The following GSE1 variants were observed in gnomAD, a reference collection of about 807,000 sequenced individuals.
GSE1 encodes the protein genetic suppressor element 1.
In GSE1, 32 loss-of-function variants were observed where a neutral mutation model predicts 112.6. That is an observed-to-expected ratio of 0.28 (90% CI 0.21 to 0.38). The LOEUF (loss-of-function observed/expected upper bound fraction) is 0.38, where lower values mean the gene tolerates loss of function less well. GSE1 is among the 10% of genes least tolerant of loss of function. The probability of loss-of-function intolerance (pLI) is 1.00; values close to 1 mark genes in which losing one functional copy is unlikely to be tolerated. For synonymous variants in GSE1, 1,115 were observed against 735.6 expected, an observed-to-expected ratio of 1.52 and a Z score of -8.35; for missense variants, 2,348 against 1,699.2, an observed-to-expected ratio of 1.38 and a Z score of -6.71.
chr16:85,385,559 C>G (rs983034239), intron 2 of GSE1, among the ~76,000 whole-genome samples: 2 of 152,172 alleles, frequency 1.3e-5, no homozygotes, highest in African/African-American at 2.4e-5. Context: ...AGGTGGAACC[C>G]TGGTGGAGGA....
In GSE1 at chr16:85,661,963, G is replaced by A. The variant is rs548553075; in HGVS notation, c.2260+198G>A. Among the ~76,000 whole-genome samples, 31 of 152,336 alleles carry A rather than the reference G, an allele frequency of 2.0e-4. 1 individual carries two copies. In the South Asian group the frequency reaches 2.9e-3, roughly 14 times the overall value. ...AGGGGAGGCAGACCCTAGTCCCCGTGCCTGTCCTGCCTCGATGCAAATTGT... is the reference window on the plus strand; with the variant it reads ...AGGGGAGGCAGACCCTAGTCCCCGTACCTGTCCTGCCTCGATGCAAATTGT... On this transcript the variant is annotated intron_variant, in intron 9 of 15. Coordinates refer to ENST00000253458, the MANE Select transcript of GSE1 (RefSeq NM_014615.5).
At chr16:85,258,453 C>T (rs945512734) in intron 1 of GSE1, among the ~76,000 whole-genome samples, 5 of 152,250 alleles carry the variant, frequency 3.3e-5, no homozygotes, top group East Asian at 1.9e-4. Context: ...GTCCCCACCA[C>T]GAGCTGCAGA....
chr16:85,408,047 CTGTTA>C (rs1321022308), intron 2 of GSE1, among the ~76,000 whole-genome samples: 3 of 46,750 alleles, frequency 6.4e-5, no homozygotes, highest in African/African-American at 4.7e-4. Context: ...CTGGATAATC[CTGTTA>C]CTCTCAGGGC....
intron 1 of GSE1, among the ~76,000 whole-genome samples, chr16:85,202,944 CGCCTCCTCCCCTT>C (rs1301159182): frequency 1.3e-5 from 2 of 151,200 alleles, no homozygotes; most frequent in Admixed American, 1.3e-4. Context: ...CCTCTCCCTT[CGCCTCCTCCCCTT>C]CCCTCCTCCC....
intron 2 of GSE1, among the ~76,000 whole-genome samples, chr16:85,499,264 C>A (rs1224801728): frequency 6.7e-6 from 1 of 148,784 alleles, no homozygotes; most frequent in East Asian, 2.0e-4. Context: ...AGGGCGCCTG[C>A]CAGCTGTCAG....
At chr16:85,652,455 A>G (rs900280995) in intron 3 of GSE1, among the ~76,000 whole-genome samples, 3 of 152,196 alleles carry the variant, frequency 2.0e-5, no homozygotes, top group African/African-American at 7.2e-5. Context: ...GCAGGTCAGA[A>G]GTCGTGAACC....
intron 2 of GSE1, among the ~76,000 whole-genome samples, chr16:85,369,116 G>C (rs1334596880): frequency 6.6e-6 from 1 of 152,172 alleles, no homozygotes; most frequent in Non-Finnish European, 1.5e-5. Context: ...TCGAGGTGTG[G>C]GCAGGACTGG....
intron 2 of GSE1, among the ~76,000 whole-genome samples, chr16:85,372,930 C>T (rs758232717): frequency 7.9e-5 from 12 of 152,362 alleles, no homozygotes; most frequent in East Asian, 1.9e-4. Context: ...TCAGCTGAGT[C>T]ACAGAGCTGG....
rs774771821 is a variant in GSE1, at chr16:85,613,417, G to T, written c.7+19G>T. ...ATGAAAGGTGAGCGCGCCGCACCCG[G>T]CCGGGGACGGGGTCCTCCCCCCTCC... On this transcript the variant is annotated intron_variant, in intron 1 of 15. Transcript: ENST00000253458. The T allele has an allele frequency of 6.5e-7, 1 of 1,549,814 alleles. No individual in the cohort carries two copies. Among genetic ancestry groups the T allele is most frequent in the Non-Finnish European group, 8.7e-7 (1 of 1,147,132 alleles).
At position 85,395,934 on chromosome 16, in the gene GSE1, C is replaced by T. The variant is rs192592018; in HGVS notation, c.2464+38291C>T. ...GGAGTCCCGGCGGCCTGAGTCCCCC[C>T]AGCCTGCAGAGCCCACAGCCCTGTC... On this transcript the variant is annotated intron_variant, in intron 2 of 2. Transcript: ENST00000637419. Among the ~76,000 whole-genome samples the T allele has an allele frequency of 2.3e-3, 346 of 152,332 alleles. 6 individuals carry two copies. The East Asian group carries it at 0.039, about 17-fold the overall frequency.
At chr16:85,472,038 C>T (rs372843992) in intron 2 of GSE1, among the ~76,000 whole-genome samples, 1 of 152,188 alleles carries the variant, frequency 6.6e-6, no homozygotes, top group African/African-American at 2.4e-5. Context: ...GTAGGTTGGC[C>T]TTGTCCTCTG....
intron 1 of GSE1, among the ~76,000 whole-genome samples, chr16:85,587,481 G>A (rs2046761422): frequency 6.6e-6 from 1 of 152,208 alleles, no homozygotes; most frequent in South Asian, 2.1e-4. Flanking sequence ...GCTTCAGAGG[G>A]GGAGGGGGAG....
At chr16:85,232,547 C>T (rs908661877) in intron 1 of GSE1, among the ~76,000 whole-genome samples, 14 of 152,084 alleles carry the variant, frequency 9.2e-5, no homozygotes, top group Admixed American at 6.5e-4. Context: ...TGGATAGACC[C>T]TCCAGAGCCC....
At chr16:85,315,651 C>T (rs1025874232) in intron 1 of GSE1, among the ~76,000 whole-genome samples, 1 of 152,118 alleles carries the variant, frequency 6.6e-6, no homozygotes, top group Admixed American at 6.5e-5. Context: ...GTGTGTAAGG[C>T]AAGAGAGGAG....
chr16:85,362,551 T>A (rs1281929759), intron 2 of GSE1, among the ~76,000 whole-genome samples: 6 of 152,234 alleles, frequency 3.9e-5, no homozygotes, highest in Admixed American at 2.0e-4. Context: ...CTCTGACTAC[T>A]GAATAGGCAT....
chr16:85,534,848 C>T (rs562599887), intron 2 of GSE1, among the ~76,000 whole-genome samples: 48 of 152,312 alleles, frequency 3.2e-4, no homozygotes, highest in Non-Finnish European at 2.1e-4. Context: ...CCTTCTGCTG[C>T]GTGGTGTTCC....
At chr16:85,453,396 A>G (rs1288243795) in intron 2 of GSE1, among the ~76,000 whole-genome samples, 1 of 152,144 alleles carries the variant, frequency 6.6e-6, no homozygotes, top group Non-Finnish European at 1.5e-5. Flanking sequence ...AGGCAGTGAC[A>G]GTGCATGCCG....
intron 2 of GSE1, among the ~76,000 whole-genome samples, chr16:85,639,578 TAA>T (rs2050274186): frequency 6.6e-6 from 1 of 152,220 alleles, no homozygotes. Context: ...ACTGACTGAA[TAA>T]GAGGTGTTTG....
rs1305011905 is a variant in GSE1, at chr16:85,665,242, G to A, written c.2758+114G>A. On this transcript the variant is annotated intron_variant, in intron 12 of 15. Transcript: ENST00000253458. Reference sequence around the variant, plus strand: ...TTGTGAATGTGGCCTCCTGCAGGCTGTCTTCTTCCATTCTTGTACCAGCGT... The same window carrying A: ...TTGTGAATGTGGCCTCCTGCAGGCTATCTTCTTCCATTCTTGTACCAGCGT... 2.8e-5 allele frequency: 18 copies of A among 639,428 alleles called. No individual in the cohort carries two copies. The Admixed American group carries it at 3.3e-4, about 12-fold the overall frequency. The allele number at this position is 639,428 out of a possible 1,614,324, so 39.6% of individuals were successfully genotyped here. A position where few individuals can be genotyped will look rare whatever the true frequency, so the allele number is the denominator to read the frequency against.
Sources: gnomAD v4.1 joint callset for allele counts (sites outside exome capture counted in the v4.1 genomes callset) on GRCh38, gnomAD v4.1.1 for gene constraint, MANE v1.5 for transcripts, NCBI Gene and HGNC (gene_info 2026-07-23, HGNC 2026-07-21) for gene names.